The following VPS36 variants were observed in gnomAD, a reference collection of about 807,000 sequenced individuals.
VPS36 encodes the protein vacuolar protein-sorting-associated protein 36.
A neutral mutation model predicts 63.5 loss-of-function variants in VPS36; 31 were observed. That is an observed-to-expected ratio of 0.49 (90% CI 0.37 to 0.66). The LOEUF is 0.66. VPS36 is among the 30% of genes least tolerant of loss of function. The probability of loss-of-function intolerance (pLI) is 0.00; values close to 1 mark genes in which losing one functional copy is unlikely to be tolerated. For synonymous variants in VPS36, 138 were observed against 157.2 expected (o/e 0.88, Z 0.91); for missense variants, 338 against 463.7 (o/e 0.73, Z 2.49).
intron 2 of VPS36, among the ~76,000 whole-genome samples, chr13:52,441,538 G>C (rs1343584122): frequency 6.6e-6 from 1 of 152,168 alleles, no homozygotes; most frequent in Non-Finnish European, 1.5e-5. Flanking sequence ...AGATCACGAG[G>C]TCAGGAGTTA....
At chr13:52,423,660 T>A (rs745954003) in intron 9 of VPS36, 21 bp from the exon 10 acceptor site, 65 of 1,593,212 alleles carry the variant, frequency 4.1e-5, no homozygotes, top group East Asian at 3.6e-4. Context: ...ATGAAATTTT[T>A]AAAAAAGTAT....
Position 52,442,366 on chromosome 13 carries a change from CTG to C in VPS36, c.165+9_165+10del. The stretch of plus-strand genomic sequence containing the variant: ...TAAAACCTACAACAGATGCAAAAAA[CTG>C]TATCTTACATGATTTTTCTGATCTC... On this transcript the variant is annotated intron_variant, in intron 2 of 13. Coordinates refer to ENST00000378060, the MANE Select transcript of VPS36 (RefSeq NM_016075.4). The C allele has an allele frequency of 6.2e-7, 1 of 1,600,760 alleles. No individual in the cohort carries two copies. Among genetic ancestry groups the C allele is most frequent in the Non-Finnish European group, 8.5e-7 (1 of 1,175,920 alleles).
intron 1 of VPS36, chr13:52,450,192 G>C (rs1015076986): frequency 5.5e-5 from 57 of 1,034,074 alleles, no homozygotes; most frequent in Non-Finnish European, 6.1e-5. Flanking sequence ...CCTTCTCCCG[G>C]GCACTGCAGC....
intron 9 of VPS36, 111 bp from the exon 10 acceptor site, chr13:52,423,750 GA>G (rs1255057516): frequency 4.1e-6 from 4 of 986,372 alleles, no homozygotes; most frequent in Non-Finnish European, 5.9e-6. Flanking sequence ...AAATTTTTAA[GA>G]AGCTTATAAA....
In VPS36 at chr13:52,423,627, T is replaced by C. The variant is rs144558806; in HGVS notation, c.787A>G (p.Ile263Val). The C allele has an allele frequency of 2.9e-4, 459 of 1,610,302 alleles. No individual in the cohort carries two copies. In the African/African-American group the frequency reaches 3.4e-3, roughly 12 times the overall value. Residue 263 changes from isoleucine (I) to valine (V), a missense_variant, in exon 10 of 14, where the codon ATA becomes GTA. Transcript: ENST00000378060. ...LQVPLEERGG[I>V]MSLTEVYCLV... ...CAGTACACCTCCGTGAGTGACATTA[T>C]TCCCCCTCGTTCCTGTTCAAATATG...
At chr13:52,450,063 A>G in intron 1 of VPS36, 1 of 987,838 alleles carries the variant, frequency 1.0e-6, no homozygotes. Flanking sequence ...CTCCTCACAG[A>G]AAGGCGAAAC....
intron 4 of VPS36, 73 bp from the exon 5 acceptor site, chr13:52,434,955 A>C: frequency 3.1e-6 from 4 of 1,296,820 alleles, no homozygotes; most frequent in Admixed American, 2.4e-5. Context: ...ATTACTTAAC[A>C]TTTCTTTCTT....
chr13:52,421,247 T>C (rs1425007637), intron 10 of VPS36, among the ~76,000 whole-genome samples: 1 of 152,206 alleles, frequency 6.6e-6, no homozygotes, highest in Non-Finnish European at 1.5e-5. Context: ...GGATATTATG[T>C]TAAGTGAAAT....
chr13:52,436,406 T>G lies in VPS36; in HGVS notation c.237-2A>C. On this transcript the variant is annotated splice_acceptor_variant, in intron 3 of 13. Transcript: ENST00000378060. LOFTEE classifies it high-confidence loss of function. The stretch of plus-strand genomic sequence containing the variant: ...TGAAGATGAACCACTATTTTGGCAC[T>G]GAAGAAAGAACAAATGTAATATATT... The G allele has an allele frequency of 6.3e-7, 1 of 1,597,070 alleles. No individual in the cohort carries two copies. The highest frequency in any genetic ancestry group is 8.6e-7 in the Non-Finnish European group (1 of 1,167,354).
chr13:52,416,910 G>A (rs1957999043), intron 12 of VPS36, 147 bp downstream of exon 12: 1 of 652,356 alleles, frequency 1.5e-6, no homozygotes. Context: ...TTGATTCATT[G>A]TTAGTGATAA....
chr13:52,426,953 T>C (rs1227528241), intron 8 of VPS36, 36 bp downstream of exon 8: 2 of 1,453,824 alleles, frequency 1.4e-6, no homozygotes, highest in South Asian at 2.4e-5. Flanking sequence ...TTGTGTTATC[T>C]AGTTTCAAAT....
At chr13:52,429,523 CTT>C (rs1958135025) in intron 6 of VPS36, 1 of 152,670 alleles carries the variant, frequency 6.6e-6, no homozygotes, top group Non-Finnish European at 1.5e-5. Context: ...GATAATGCCT[CTT>C]TGCCTGCCTG....
intron 6 of VPS36, chr13:52,429,336 C>T: frequency 3.6e-5 from 35 of 979,088 alleles, no homozygotes; most frequent in Non-Finnish European, 4.2e-5. Context: ...ATTCCCTTTT[C>T]CTGGGTTCTT....
At chr13:52,416,913 A>G in intron 12 of VPS36, 144 bp downstream of exon 12, 1 of 659,490 alleles carries the variant, frequency 1.5e-6, no homozygotes, top group South Asian at 2.2e-5. Flanking sequence ...ATTCATTGTT[A>G]GTGATAAACC....
At chr13:52,441,414 T>C (rs530020383) in intron 2 of VPS36, among the ~76,000 whole-genome samples, 40 of 152,212 alleles carry the variant, frequency 2.6e-4, no homozygotes, top group African/African-American at 9.2e-4. Context: ...GGAATAAAGA[T>C]ATCAGCTCTA....
At chr13:52,416,337 T>C (rs935429300) in intron 12 of VPS36, 61 of 475,218 alleles carry the variant, frequency 1.3e-4, no homozygotes, top group African/African-American at 7.9e-5. Flanking sequence ...TCAAGCTCTC[T>C]ATAATGTAAC....
intron 3 of VPS36, among the ~76,000 whole-genome samples, chr13:52,437,450 T>C (rs1958230452): frequency 6.6e-6 from 1 of 151,728 alleles, no homozygotes; most frequent in Non-Finnish European, 1.5e-5. Flanking sequence ...CATTTCATAG[T>C]CTCTGAAACT....
chr13:52,421,417 G>A (rs1037521483), intron 10 of VPS36, among the ~76,000 whole-genome samples: 3 of 151,456 alleles, frequency 2.0e-5, no homozygotes, highest in African/African-American at 7.3e-5. Flanking sequence ...CAGATACAAA[G>A]TTACAGTTAA....
chr13:52,427,455 A>C (rs1294281869), intron 6 of VPS36, among the ~76,000 whole-genome samples: 1 of 152,134 alleles, frequency 6.6e-6, no homozygotes, highest in Non-Finnish European at 1.5e-5. Flanking sequence ...AATACAAAAA[A>C]AATTAGCCGG....
Sources: allele counts gnomAD v4.1 joint callset (sites outside exome capture counted in the v4.1 genomes callset), GRCh38; gene constraint gnomAD v4.1.1; transcripts MANE v1.5; gene names NCBI Gene and HGNC (gene_info 2026-07-23, HGNC 2026-07-21).